FNIP1: variants seen among roughly 807,000 people sequenced by gnomAD.
FNIP1 encodes the protein folliculin-interacting protein 1.
A neutral mutation model predicts 124.5 loss-of-function variants in FNIP1; 40 were observed. The observed-to-expected ratio is 0.32, with a 90% CI of 0.25 to 0.42. FNIP1 has a LOEUF of 0.42. Ranked by LOEUF, FNIP1 falls within the 10% of genes least tolerant of loss-of-function variation. The probability of loss-of-function intolerance (pLI) is 1.00; values close to 1 mark genes in which losing one functional copy is unlikely to be tolerated. For synonymous variants in FNIP1, 472 were observed against 470.6 expected, an observed-to-expected ratio of 1.00 and a Z score of -0.04; for missense variants, 1,176 against 1,403.7, an observed-to-expected ratio of 0.84 and a Z score of 2.59.
rs1217829093 is a variant in FNIP1, at chr5:131,672,877, C to G, written c.1567G>C (p.Val523Leu). The G allele has an allele frequency of 1.3e-6, 2 of 1,599,082 alleles. No individual in the cohort carries two copies. Among genetic ancestry groups the G allele is most frequent in the Non-Finnish European group, 1.7e-6 (2 of 1,173,626 alleles). ...ATGTCTTGTCGTTTGCCAACTACCA[C>G]AGTCCTTGCTAACCGTACGGGAGAG... ...IGSPVRLARTVVVGKRQDMVQ... is the reference protein window; with the variant it reads ...IGSPVRLARTLVVGKRQDMVQ... The change falls in exon 14 of 18, where the codon GTG becomes CTG. Residue 523 changes from valine (V) to leucine (L), a missense_variant. Coordinates refer to ENST00000510461, the MANE Select transcript of FNIP1 (RefSeq NM_133372.3).
At chr5:131,746,846 T>C (rs1770700729) in intron 1 of FNIP1, among the ~76,000 whole-genome samples, 1 of 152,216 alleles carries the variant, frequency 6.6e-6, no homozygotes, top group African/African-American at 2.4e-5. Context: ...CTCTGACAAA[T>C]CTTCAAACTG....
chr5:131,741,842 T>C lies in FNIP1; in HGVS notation c.219+2722A>G, dbSNP rs151105012. Among the ~76,000 whole-genome samples the C allele has an allele frequency of 5.9e-3, 897 of 152,260 alleles. 5 individuals are homozygous for C. The highest frequency in any genetic ancestry group is 0.011 in the Non-Finnish European group (748 of 68,008). On this transcript the variant is annotated intron_variant, in intron 2 of 17. Transcript: ENST00000510461. ...ATTAAATACACTCAAACATATTGAG[T>C]GAGCCCAAATATTACTATCTTCTAC...
chr5:131,644,988 T>C (rs1258481561), intron 17 of FNIP1, among the ~76,000 whole-genome samples: 1 of 152,152 alleles, frequency 6.6e-6, no homozygotes, highest in East Asian at 1.9e-4. Context: ...TGATGGAACA[T>C]GAACTGGGGC....
chr5:131,788,452 T>C (rs1772288767), intron 1 of FNIP1, among the ~76,000 whole-genome samples: 1 of 152,192 alleles, frequency 6.6e-6, no homozygotes, highest in African/African-American at 2.4e-5. Context: ...GCAGATCACC[T>C]GAGGTCAGGC....
chr5:131,714,306 T>G (rs1769395070), intron 6 of FNIP1, among the ~76,000 whole-genome samples: 2 of 152,208 alleles, frequency 1.3e-5, no homozygotes, highest in Admixed American at 1.3e-4. Context: ...TGGTCAGACT[T>G]ACATCACAAT....
intron 15 of FNIP1, among the ~76,000 whole-genome samples, 196 bp from the exon 16 acceptor site, chr5:131,652,195 T>C (rs1382628182): frequency 1.3e-5 from 2 of 152,236 alleles, no homozygotes; most frequent in East Asian, 1.9e-4. Context: ...TCATCGTAGA[T>C]TGAGACTTTG....
chr5:131,779,629 A>C (rs560055781), intron 1 of FNIP1, among the ~76,000 whole-genome samples: 215 of 151,548 alleles, frequency 1.4e-3, no homozygotes, highest in Non-Finnish European at 1.8e-3. Flanking sequence ...CAGAGCTTGC[A>C]GTGAGCCGAT....
intron 2 of FNIP1, among the ~76,000 whole-genome samples, chr5:131,733,590 G>T (rs563969124): frequency 6.6e-6 from 1 of 152,172 alleles, no homozygotes; most frequent in Non-Finnish European, 1.5e-5. Context: ...AGATAATCAC[G>T]TGGTTTTTGT....
chr5:131,739,756 T>C (rs190209376), intron 2 of FNIP1, among the ~76,000 whole-genome samples: 87 of 137,306 alleles, frequency 6.3e-4, no homozygotes, highest in Non-Finnish European at 1.1e-3. Flanking sequence ...GAGCTTGTAG[T>C]GAGCTGAGAT....
At chr5:131,756,151 G>A (rs930615057) in intron 1 of FNIP1, among the ~76,000 whole-genome samples, 3 of 152,186 alleles carry the variant, frequency 2.0e-5, no homozygotes, top group African/African-American at 7.2e-5. Context: ...TGCTGGAACA[G>A]TTTCAGTGGA....
intron 1 of FNIP1, among the ~76,000 whole-genome samples, chr5:131,758,593 A>G (rs1189953343): frequency 1.3e-5 from 2 of 152,252 alleles, no homozygotes; most frequent in Middle Eastern, 3.2e-3. Flanking sequence ...CGTTGGTAAG[A>G]AAACTATTCA....
At chr5:131,785,111 A>AG (rs372024024) in intron 1 of FNIP1, among the ~76,000 whole-genome samples, 321 of 22,284 alleles carry the variant, frequency 0.014, 12 homozygotes, top group African/African-American at 0.025. Flanking sequence ...CTATATATAT[A>AG]TCATATATAT....
At chr5:131,710,524 G>C (rs1769250024) in intron 7 of FNIP1, 54 bp downstream of exon 7, 1 of 1,537,990 alleles carries the variant, frequency 6.5e-7, no homozygotes, top group Admixed American at 1.9e-5. Flanking sequence ...CTTAACTACA[G>C]ATTCTAGCCG....
chr5:131,652,405 A>G (rs1205445996), intron 15 of FNIP1, among the ~76,000 whole-genome samples: 3 of 152,208 alleles, frequency 2.0e-5, no homozygotes, highest in African/African-American at 7.2e-5. Flanking sequence ...GCCAGGCTGG[A>G]GTGCAGTGGT....
intron 2 of FNIP1, among the ~76,000 whole-genome samples, chr5:131,742,129 T>A (rs1446009064): frequency 1.3e-5 from 2 of 152,152 alleles, no homozygotes; most frequent in Non-Finnish European, 2.9e-5. Flanking sequence ...CATGGCGACA[T>A]TATGTTCTAA....
rs1766745683 is a variant in FNIP1, at chr5:131,642,519, G to A, written c.*2166C>T. The A allele has an allele frequency of 6.6e-6, 1 of 151,780 alleles. No individual in the cohort carries two copies. Among genetic ancestry groups the A allele is most frequent in the African/African-American group, 2.4e-5 (1 of 41,234 alleles). The allele number at this position is 151,780 out of a possible 1,614,324, so 9.4% of individuals were successfully genotyped here. On this transcript the variant is annotated 3_prime_UTR_variant, in exon 18 of 18. Transcript: ENST00000510461. ...CATTTTAAATAAAGAACAGTTTGAT[G>A]GTTAAGGAGACACCCAGACATTATC... is the stretch of plus-strand genomic sequence containing the variant.
chr5:131,792,882 T>C (rs924601022), intron 1 of FNIP1, among the ~76,000 whole-genome samples: 13 of 152,152 alleles, frequency 8.5e-5, no homozygotes, highest in Non-Finnish European at 1.9e-4. Flanking sequence ...TCCAAAACAC[T>C]TCTAGAACCA....
chr5:131,645,725 C>A (rs1766861252), intron 17 of FNIP1, among the ~76,000 whole-genome samples: 1 of 152,160 alleles, frequency 6.6e-6, no homozygotes, highest in Non-Finnish European at 1.5e-5. Flanking sequence ...TATATTCAGT[C>A]TGGCACTGGT....
At chr5:131,796,791 G>T in intron 1 of FNIP1, 39 bp downstream of exon 1, 2 of 1,537,160 alleles carry the variant, frequency 1.3e-6, no homozygotes, top group Non-Finnish European at 8.8e-7. Context: ...GAGCCCACAA[G>T]GCCATCGGCT....
Sources: gnomAD v4.1 joint callset for allele counts (sites outside exome capture counted in the v4.1 genomes callset) on GRCh38, gnomAD v4.1.1 for gene constraint, MANE v1.5 for transcripts, NCBI Gene and HGNC (gene_info 2026-07-23, HGNC 2026-07-21) for gene names.